ANKRD66: variants seen among roughly 807,000 people sequenced by gnomAD.
ANKRD66 encodes the protein ankyrin repeat domain 66.
Under a neutral mutation model 10.9 loss-of-function variants are expected in ANKRD66, and 10 were observed. That is an observed-to-expected ratio of 0.91 (90% CI 0.56 to 1.55). The LOEUF (loss-of-function observed/expected upper bound fraction) is 1.55. Among genes scored for constraint, ANKRD66 ranks in the 40% most tolerant of loss-of-function variants. ANKRD66 has a pLI of 0.00. For missense variants in ANKRD66, 252 were observed against 242.9 expected (o/e 1.04, Z -0.25); for synonymous variants, 85 against 88.4 (o/e 0.96, Z 0.22).
At chr6:46,751,296 C>T (rs1291945625) in intron 2 of ANKRD66, among the ~76,000 whole-genome samples, 1 of 152,206 alleles carries the variant, frequency 6.6e-6, no homozygotes, top group African/African-American at 2.4e-5. Context: ...ACAGCTTTGA[C>T]TTCACAGATC....
chr6:46,758,652 A>G lies in ANKRD66; in HGVS notation c.393-71A>G, dbSNP rs982898294. The stretch of plus-strand genomic sequence containing the variant: ...GAACTGCGGTGTGCAGAACCTGTGA[A>G]TAAAGGCCGATTCCCAGGCTGGAAC... On this transcript the variant is annotated intron_variant, in intron 4 of 4. Transcript: ENST00000565422. 2.8e-6 allele frequency: 4 copies of G among 1,428,060 alleles called. No homozygotes were observed. In the African/African-American group the frequency reaches 4.3e-5, roughly 15 times the overall value. 88.5% of individuals were successfully genotyped at this position (1,428,060 alleles called of 1,614,324 possible). A position where few individuals can be genotyped will look rare whatever the true frequency, so the allele number is the denominator to read the frequency against.
chr6:46,749,785 A>G, intron 1 of ANKRD66, 111 bp from the exon 2 acceptor site: 1 of 1,343,180 alleles, frequency 7.4e-7, no homozygotes, highest in Non-Finnish European at 9.8e-7. Context: ...GGCCACTTTT[A>G]GAGAAAGCTC....
intron 2 of ANKRD66, among the ~76,000 whole-genome samples, chr6:46,751,141 G>T (rs1394088713): frequency 6.6e-6 from 1 of 152,202 alleles, no homozygotes; most frequent in African/African-American, 2.4e-5. Flanking sequence ...AGTGTGTGGT[G>T]AATGGCATGA....
chr6:46,754,087 AT>A (rs1036840140), intron 4 of ANKRD66, 137 bp downstream of exon 4: 67 of 784,186 alleles, frequency 8.5e-5, no homozygotes, highest in East Asian at 6.9e-4. Flanking sequence ...ATTTTTATTG[AT>A]TTTTTTAGTT....
chr6:46,758,691 C>A (rs1582609124), intron 4 of ANKRD66, 32 bp from the exon 5 acceptor site: 2 of 1,518,792 alleles, frequency 1.3e-6, no homozygotes, highest in South Asian at 1.2e-5. Context: ...TCCTCCTGAT[C>A]CAAGTTCAGA....
chr6:46,754,414 A>C (rs778143357), intron 4 of ANKRD66, among the ~76,000 whole-genome samples: 1 of 152,166 alleles, frequency 6.6e-6, no homozygotes, highest in Non-Finnish European at 1.5e-5. Flanking sequence ...TGAATGCCCT[A>C]TTTACACACA....
Position 46,749,980 on chromosome 6 carries a change from G to A in ANKRD66, c.-13+1G>A. 1 of 1,409,476 alleles carries A rather than the reference G, an allele frequency of 7.1e-7. No individual in the cohort carries two copies. Among genetic ancestry groups the A allele is most frequent in the Non-Finnish European group, 9.8e-7 (1 of 1,017,734 alleles). 87.3% of individuals were successfully genotyped at this position (1,409,476 alleles called of 1,614,324 possible). The stretch of plus-strand genomic sequence containing the variant: ...ACCCCTGCCCAGAGTTTCAGATTCT[G>A]TAAGTCTGGGGCTGAGCACAATAAT... On this transcript the variant is annotated splice_donor_variant, in intron 2 of 4. Coordinates refer to ENST00000565422, the MANE Select transcript of ANKRD66 (RefSeq NM_001162435.3). LOFTEE classifies it low-confidence loss of function (5UTR_SPLICE).
intron 4 of ANKRD66, among the ~76,000 whole-genome samples, chr6:46,754,336 C>T (rs1042213004): frequency 4.6e-5 from 7 of 152,100 alleles, no homozygotes; most frequent in Non-Finnish European, 7.4e-5. Flanking sequence ...ATATTTAAAA[C>T]GAGGCAGGTG....
chr6:46,755,169 T>C (rs1766358610), intron 4 of ANKRD66, among the ~76,000 whole-genome samples: 1 of 152,166 alleles, frequency 6.6e-6, no homozygotes, highest in Admixed American at 6.6e-5. Flanking sequence ...TCCACTCTCT[T>C]CCCGCTATTC....
intron 4 of ANKRD66, among the ~76,000 whole-genome samples, chr6:46,754,222 G>C (rs1031826810): frequency 6.6e-6 from 1 of 152,132 alleles, no homozygotes; most frequent in Non-Finnish European, 1.5e-5. Flanking sequence ...GTTTGAAGAT[G>C]GGACATGGTG....
chr6:46,752,213 G>C (rs1020166463), intron 3 of ANKRD66, 102 bp downstream of exon 3: 20 of 1,234,402 alleles, frequency 1.6e-5, no homozygotes, highest in Admixed American at 8.3e-5. Flanking sequence ...CATTTCTTTA[G>C]AGCCAGTTGG....
At chr6:46,755,309 G>C (rs1397158138) in intron 4 of ANKRD66, among the ~76,000 whole-genome samples, 1 of 152,132 alleles carries the variant, frequency 6.6e-6, no homozygotes, top group Non-Finnish European at 1.5e-5. Flanking sequence ...CTAGCAGTTT[G>C]AATATTTCCA....
chr6:46,749,696 T>A (rs745872410), intron 1 of ANKRD66, among the ~76,000 whole-genome samples, 200 bp from the exon 2 acceptor site: 6 of 151,990 alleles, frequency 3.9e-5, no homozygotes, highest in Non-Finnish European at 8.8e-5. Context: ...GACACATACA[T>A]GCTGTCTTTC....
chr6:46,758,927 C>A lies in ANKRD66; in HGVS notation c.*6C>A. The A allele has an allele frequency of 6.5e-7, 1 of 1,537,864 alleles. No homozygotes were observed. The highest frequency in any genetic ancestry group is 8.8e-7 in the Non-Finnish European group (1 of 1,141,240). ...CCAAGGGGAGGAGAGTATGAGAACT[C>A]AACCTTATGTTTTCTGGCAAGGAAC... is the stretch of plus-strand genomic sequence containing the variant. On this transcript the variant is annotated 3_prime_UTR_variant, in exon 5 of 5. Transcript: ENST00000565422.
chr6:46,748,121 T>C (rs966640824), intron 1 of ANKRD66, among the ~76,000 whole-genome samples: 1 of 152,236 alleles, frequency 6.6e-6, no homozygotes, highest in Non-Finnish European at 1.5e-5. Context: ...TCCAGTTGTC[T>C]CAGCATCATT....
At position 46,751,933 on chromosome 6, in the gene ANKRD66, A is replaced by G; in HGVS notation, c.-12-4A>G. 7.0e-7 allele frequency: 1 copy of G among 1,438,392 alleles called. No homozygotes were observed. Among genetic ancestry groups the G allele is most frequent in the Non-Finnish European group, 9.1e-7 (1 of 1,096,356 alleles). The allele number at this position is 1,438,392 out of a possible 1,614,324, so 89.1% of individuals were successfully genotyped here. On this transcript the variant is annotated splice_polypyrimidine_tract_variant and splice_region_variant and intron_variant, in intron 2 of 4. Transcript: ENST00000565422. ...ATTTCCTAAGTGGCATGTCTCTCCC[A>G]CAGTTGTTTTCTGCCATGGAATTGG...
In ANKRD66 at chr6:46,751,935, A is replaced by G. The variant is rs1272449993; in HGVS notation, c.-12-2A>G. On this transcript the variant is annotated splice_acceptor_variant, in intron 2 of 4. Coordinates refer to ENST00000565422, the MANE Select transcript of ANKRD66 (RefSeq NM_001162435.3). LOFTEE classifies it low-confidence loss of function (5UTR_SPLICE). ...TTCCTAAGTGGCATGTCTCTCCCACAGTTGTTTTCTGCCATGGAATTGGCC... is the reference window on the plus strand; with the variant it reads ...TTCCTAAGTGGCATGTCTCTCCCACGGTTGTTTTCTGCCATGGAATTGGCC... 2 of 1,439,336 alleles carry G rather than the reference A, an allele frequency of 1.4e-6. No homozygotes were observed. Among genetic ancestry groups the G allele is most frequent in the African/African-American group, 3.0e-5 (2 of 67,448 alleles). 89.2% of individuals were successfully genotyped at this position (1,439,336 alleles called of 1,614,324 possible).
chr6:46,758,569 G>C, intron 4 of ANKRD66, 154 bp from the exon 5 acceptor site: 1 of 640,226 alleles, frequency 1.6e-6, no homozygotes, highest in Non-Finnish European at 2.4e-6. Context: ...TAGTGTCTGA[G>C]ACCTTCCCTA....
In ANKRD66 at chr6:46,753,685, TC is replaced by T. The variant is rs1228466599; in HGVS notation, c.164-35del. 10 of 1,511,338 alleles carry T rather than the reference TC, an allele frequency of 6.6e-6. 1 individual carries two copies. Among genetic ancestry groups the T allele is most frequent in the Non-Finnish European group, 8.0e-6 (9 of 1,127,250 alleles). The allele number at this position is 1,511,338 out of a possible 1,614,324, so 93.6% of individuals were successfully genotyped here. A position where few individuals can be genotyped will look rare whatever the true frequency, so the allele number is the denominator to read the frequency against. ...CCTCAAGCCACTTGGGACATCTTTATCCTAACCTCATCCTGTTTCTTTTTGG... is the reference window on the plus strand; with the variant it reads ...CCTCAAGCCACTTGGGACATCTTTATCTAACCTCATCCTGTTTCTTTTTGG... On this transcript the variant is annotated intron_variant, in intron 3 of 4. Transcript: ENST00000565422.
Sources: gnomAD v4.1 joint callset for allele counts (sites outside exome capture counted in the v4.1 genomes callset) on GRCh38, gnomAD v4.1.1 for gene constraint, MANE v1.5 for transcripts, NCBI Gene and HGNC (gene_info 2026-07-23, HGNC 2026-07-21) for gene names.